Variants in FSIP1 observed in about 807,000 individuals in gnomAD.
FSIP1 encodes the protein fibrous sheath interacting protein 1.
A neutral mutation model predicts 60.9 loss-of-function variants in FSIP1; 65 were observed. The ratio of observed to expected loss-of-function variants is 1.07; its 90% CI spans 0.87 to 1.31. The LOEUF (loss-of-function observed/expected upper bound fraction) is 1.31. FSIP1 is among the 40% of genes most tolerant of loss of function. FSIP1 has a pLI of 0.00. For synonymous variants in FSIP1, 209 were observed against 221.2 expected (o/e 0.94, Z 0.49); for missense variants, 675 against 665.5 (o/e 1.01, Z -0.16).
chr15:39,687,362 C>T (rs1001891449), intron 10 of FSIP1, among the ~76,000 whole-genome samples: 2 of 152,018 alleles, frequency 1.3e-5, no homozygotes, highest in Non-Finnish European at 2.9e-5. Context: ...CCATGTTGGC[C>T]AGGCTGGTCT....
chr15:39,731,243 T>A (rs1230643095), intron 8 of FSIP1, among the ~76,000 whole-genome samples: 1 of 152,102 alleles, frequency 6.6e-6, no homozygotes. Flanking sequence ...CTGACAGAAT[T>A]CCAGGTTCTG....
intron 3 of FSIP1, among the ~76,000 whole-genome samples, chr15:39,765,984 C>G (rs1373746252): frequency 1.3e-5 from 2 of 152,178 alleles, no homozygotes; most frequent in Non-Finnish European, 2.9e-5. Context: ...ATAACTGGGT[C>G]CTTTCAAATA....
chr15:39,624,028 G>A lies in FSIP1; in HGVS notation c.1189-5783C>T, dbSNP rs200770885. Among the ~76,000 whole-genome samples, 404 of 152,302 alleles carry A rather than the reference G, an allele frequency of 2.7e-3. 2 individuals are homozygous for A. The highest frequency in any genetic ancestry group is 9.1e-3 in the African/African-American group (378 of 41,554). ...TTCTTTTGCTTAAATTTTCAAGCAA[G>A]ATAACCTGGTTGGTCACTGGCCAGG... On this transcript the variant is annotated intron_variant, in intron 10 of 11. Coordinates refer to ENST00000350221, the MANE Select transcript of FSIP1 (RefSeq NM_152597.5).
At chr15:39,759,089 AT>A (rs917130010) in intron 5 of FSIP1, among the ~76,000 whole-genome samples, 1 of 152,070 alleles carries the variant, frequency 6.6e-6, no homozygotes, top group South Asian at 2.1e-4. Flanking sequence ...GAAAATATAT[AT>A]TTTTTATACA....
chr15:39,700,189 C>A (rs1490248215), intron 10 of FSIP1, among the ~76,000 whole-genome samples: 1 of 152,220 alleles, frequency 6.6e-6, no homozygotes, highest in African/African-American at 2.4e-5. Flanking sequence ...CCCTTTTCCA[C>A]AAAGTGTCTT....
intron 10 of FSIP1, among the ~76,000 whole-genome samples, chr15:39,639,783 C>T (rs533369977): frequency 3.2e-4 from 49 of 152,176 alleles, no homozygotes; most frequent in African/African-American, 1.2e-3. Flanking sequence ...CAGGGAAGAA[C>T]GGGGACTATT....
chr15:39,635,267 G>A (rs374469860), intron 10 of FSIP1, among the ~76,000 whole-genome samples: 19 of 151,862 alleles, frequency 1.3e-4, no homozygotes, highest in African/African-American at 3.9e-4. Context: ...CCAGGGAGTC[G>A]GAGGTTGCAG....
chr15:39,631,233 T>A (rs1891872132), intron 10 of FSIP1, among the ~76,000 whole-genome samples: 1 of 152,366 alleles, frequency 6.6e-6, no homozygotes, highest in South Asian at 2.1e-4. Context: ...GTCCCCTTAC[T>A]GACCAGTGGT....
rs373024065 is a variant in FSIP1, at chr15:39,638,829, CGT to C, written c.1189-20586_1189-20585del. On this transcript the variant is annotated intron_variant, in intron 10 of 11. Transcript: ENST00000350221. ...GTGTGTGGGTGCATGTGTGTGTGCG[CGT>C]GTGTGTGTGCATGTGTGTGTGTGGT... 3.8e-3 allele frequency among the ~76,000 whole-genome samples: 548 copies of C among 145,054 alleles called. 3 individuals are homozygous for C. Among genetic ancestry groups the C allele is most frequent in the African/African-American group, 0.013 (522 of 38,852 alleles).
intron 9 of FSIP1, among the ~76,000 whole-genome samples, chr15:39,721,724 C>A (rs1206741077): frequency 6.6e-6 from 1 of 152,212 alleles, no homozygotes; most frequent in Non-Finnish European, 1.5e-5. Context: ...CTGCAGCAAA[C>A]CGGAGAATCT....
At chr15:39,638,333 A>T (rs892602599) in intron 10 of FSIP1, among the ~76,000 whole-genome samples, 4 of 152,224 alleles carry the variant, frequency 2.6e-5, no homozygotes, top group African/African-American at 9.7e-5. Context: ...TGCAACTAAG[A>T]GGAGAGCCAA....
rs1435403493 is a variant in FSIP1, at chr15:39,769,180, G to A, written c.310+1247C>T. Reference sequence around the variant, plus strand: ...TGTAGTCCCAGCTACTCGGGAGGCTGAGGCAGGAGAATGGCGTGAACCCGG... The same window carrying A: ...TGTAGTCCCAGCTACTCGGGAGGCTAAGGCAGGAGAATGGCGTGAACCCGG... On this transcript the variant is annotated intron_variant, in intron 3 of 11. Coordinates refer to ENST00000350221, the MANE Select transcript of FSIP1 (RefSeq NM_152597.5). Among the ~76,000 whole-genome samples, 4 of 151,688 alleles carry A rather than the reference G, an allele frequency of 2.6e-5. No individual in the cohort carries two copies. The East Asian group carries it at 5.8e-4, about 22-fold the overall frequency.
intron 9 of FSIP1, among the ~76,000 whole-genome samples, chr15:39,717,303 G>T (rs1178084493): frequency 3.9e-5 from 6 of 152,144 alleles, no homozygotes; most frequent in Non-Finnish European, 1.5e-5. Flanking sequence ...ACCTGCCACA[G>T]CTGGGACAAT....
intron 10 of FSIP1, among the ~76,000 whole-genome samples, chr15:39,618,742 T>G (rs1393979105): frequency 6.6e-6 from 1 of 152,210 alleles, no homozygotes; most frequent in Non-Finnish European, 1.5e-5. Flanking sequence ...CTTGTAAAGG[T>G]TACCAGGGCT....
intron 10 of FSIP1, among the ~76,000 whole-genome samples, chr15:39,673,198 T>A (rs990668265): frequency 6.6e-6 from 1 of 152,240 alleles, no homozygotes; most frequent in Non-Finnish European, 1.5e-5. Context: ...GGACATTTTT[T>A]AAAATTCTCT....
intron 10 of FSIP1, among the ~76,000 whole-genome samples, chr15:39,640,195 G>A (rs905534258): frequency 2.6e-5 from 4 of 152,182 alleles, no homozygotes; most frequent in African/African-American, 9.7e-5. Context: ...AGAGATGAAA[G>A]CATAAAATAG....
chr15:39,669,457 T>C (rs1266104394), intron 10 of FSIP1, among the ~76,000 whole-genome samples: 1 of 152,226 alleles, frequency 6.6e-6, no homozygotes, highest in Non-Finnish European at 1.5e-5. Flanking sequence ...TTTGGAGATA[T>C]TAACTAGGTC....
intron 2 of FSIP1, among the ~76,000 whole-genome samples, 161 bp downstream of exon 2, chr15:39,776,238 T>C (rs1898059854): frequency 9.1e-6 from 1 of 110,398 alleles, no homozygotes; most frequent in Non-Finnish European, 2.1e-5. Flanking sequence ...AGTAGAGTTT[T>C]TTCATATTAA....
At chr15:39,641,451 T>C (rs775802358) in intron 10 of FSIP1, among the ~76,000 whole-genome samples, 1 of 152,214 alleles carries the variant, frequency 6.6e-6, no homozygotes, top group Non-Finnish European at 1.5e-5. Context: ...CATCGCATAG[T>C]AACCAGCTGT....
Sources: gnomAD v4.1 joint callset for allele counts (sites outside exome capture counted in the v4.1 genomes callset) on GRCh38, gnomAD v4.1.1 for gene constraint, MANE v1.5 for transcripts, NCBI Gene and HGNC (gene_info 2026-07-23, HGNC 2026-07-21) for gene names.